The following SHPK variants were observed in gnomAD, a reference collection of about 807,000 sequenced individuals.
SHPK encodes the protein carbohydrate kinase-like protein.
Under a neutral mutation model 46.3 loss-of-function variants are expected in SHPK, and 51 were observed. The ratio of observed to expected loss-of-function variants is 1.10; its 90% CI spans 0.88 to 1.39. The LOEUF (loss-of-function observed/expected upper bound fraction) is 1.39. SHPK is among the 40% of genes most tolerant of loss of function. SHPK has a pLI of 0.00. For synonymous variants in SHPK, 290 were observed against 273.9 expected (o/e 1.06, Z -0.58); for missense variants, 668 against 641.3 (o/e 1.04, Z -0.45).
intron 1 of SHPK, among the ~76,000 whole-genome samples, chr17:3,631,894 T>G (rs754005032): frequency 2.6e-5 from 4 of 151,938 alleles, no homozygotes; most frequent in Admixed American, 6.6e-5. Flanking sequence ...TAAAATTAAT[T>G]TCACTTGTTT....
chr17:3,618,513 G>A (rs2075380831), intron 5 of SHPK, among the ~76,000 whole-genome samples: 1 of 152,148 alleles, frequency 6.6e-6, no homozygotes, highest in African/African-American at 2.4e-5. Context: ...TGGGCACAGT[G>A]GCTCACGCCT....
At chr17:3,621,524 T>C in intron 4 of SHPK, 112 bp from the exon 5 acceptor site, 1 of 948,120 alleles carries the variant, frequency 1.1e-6, no homozygotes, top group Non-Finnish European at 1.6e-6. Context: ...CCCTTCTTCC[T>C]TTCCTTTCCT....
rs2075322894 is a variant in SHPK at position 3,609,435 on chromosome 17, G to A, written c.*1125C>T. ...CCTGGGCTCCTTTGGGAGTCTAGAA[G>A]TAGATGCGGCAATGGTGGCCCCCTC... On this transcript the variant is annotated 3_prime_UTR_variant, in exon 7 of 7. Transcript: ENST00000225519. 1 of 152,138 alleles carries A rather than the reference G, an allele frequency of 6.6e-6. No individual in the cohort carries two copies. Among genetic ancestry groups the A allele is most frequent in the Non-Finnish European group, 1.5e-5 (1 of 68,044 alleles). 9.4% of individuals were successfully genotyped at this position (152,138 alleles called of 1,614,324 possible).
rs559555308 is a variant in SHPK at position 3,609,654 on chromosome 17, C to G, written c.*906G>C. 1 of 152,364 alleles carries G rather than the reference C, an allele frequency of 6.6e-6. No homozygotes were observed. The highest frequency in any genetic ancestry group is 2.4e-5 in the African/African-American group (1 of 41,476). The allele number at this position is 152,364 out of a possible 1,614,324, so 9.4% of individuals were successfully genotyped here. The stretch of plus-strand genomic sequence containing the variant: ...GAGTTCTCTTTGAATAAACTACCTG[C>G]CCCATCTGGCAGGAGTCTGCCTGGC... On this transcript the variant is annotated 3_prime_UTR_variant, in exon 7 of 7. Transcript: ENST00000225519.
chr17:3,630,684 G>T (rs902826273), intron 1 of SHPK, among the ~76,000 whole-genome samples: 1 of 152,188 alleles, frequency 6.6e-6, no homozygotes, highest in Non-Finnish European at 1.5e-5. Flanking sequence ...ACAACATGAT[G>T]AAACCCCGTC....
At chr17:3,631,229 T>C (rs2075469435) in intron 1 of SHPK, among the ~76,000 whole-genome samples, 2 of 150,174 alleles carry the variant, frequency 1.3e-5, no homozygotes, top group African/African-American at 4.9e-5. Context: ...ACAAGGATTC[T>C]ACATGCAAGA....
At chr17:3,613,247 A>T (rs1597566817) in intron 6 of SHPK, among the ~76,000 whole-genome samples, 1 of 152,332 alleles carries the variant, frequency 6.6e-6, no homozygotes, top group East Asian at 1.9e-4. Flanking sequence ...ACTCATGCTC[A>T]AGGCCCACAC....
At chr17:3,625,076 G>C (rs2075425396) in intron 2 of SHPK, among the ~76,000 whole-genome samples, 1 of 152,062 alleles carries the variant, frequency 6.6e-6, no homozygotes, top group African/African-American at 2.4e-5. Context: ...TTTCTCCCAA[G>C]GCCAATTTCA....
At chr17:3,611,798 G>GTTTTT (rs570066157) in intron 6 of SHPK, among the ~76,000 whole-genome samples, 1 of 92,122 alleles carries the variant, frequency 1.1e-5, no homozygotes, top group African/African-American at 4.6e-5. Flanking sequence ...AGCTCTGCGG[G>GTTTTT]TTTTTTTTTT....
At position 3,636,170 on chromosome 17, in the gene SHPK, A is replaced by C; in HGVS notation, c.50T>G (p.Val17Gly). ...TLGIDLGTTS[V>G]KAALLRAAPD... ...CGCGGCCCTCAGCAGAGCTGCCTTC[A>C]CAGATGTGGTGCCCAGGTCAATGCC... is the stretch of plus-strand genomic sequence containing the variant. The change falls in exon 1 of 7, where the codon GTG (valine) becomes GGG (glycine). Residue 17 changes from valine (V) to glycine (G), a missense_variant. Val to Gly is a moderately radical substitution (Grantham distance 109, BLOSUM62 -3). Transcript: ENST00000225519. 2 of 1,612,104 alleles carry C rather than the reference A, an allele frequency of 1.2e-6. No homozygotes were observed. Among genetic ancestry groups the C allele is most frequent in the South Asian group, 2.2e-5 (2 of 90,902 alleles).
chr17:3,632,780 T>C (rs1022368702), intron 1 of SHPK, among the ~76,000 whole-genome samples: 2 of 151,988 alleles, frequency 1.3e-5, no homozygotes, highest in African/African-American at 4.8e-5. Context: ...CGGAGGAAAC[T>C]GATGCCCAGA....
intron 1 of SHPK, 47 bp downstream of exon 1, chr17:3,636,005 G>A: frequency 2.0e-6 from 3 of 1,491,496 alleles, no homozygotes; most frequent in Non-Finnish European, 2.7e-6. Context: ...GGAAAAGGGT[G>A]GTCAGGAGGC....
chr17:3,613,040 A>G (rs1207026212), intron 6 of SHPK, among the ~76,000 whole-genome samples: 2 of 151,882 alleles, frequency 1.3e-5, no homozygotes, highest in Non-Finnish European at 1.5e-5. Context: ...GTGAGCCACC[A>G]CGCCCAGCCA....
rs933510142 is a variant in SHPK, at chr17:3,633,996, G to A, written c.168+2056C>T. The stretch of plus-strand genomic sequence containing the variant: ...CAACCCTGTGCTCTCTCAAACATGT[G>A]CTGTGTCCACTCAGGGTTAAATGGA... On this transcript the variant is annotated intron_variant, in intron 1 of 6. Transcript: ENST00000225519. Among the ~76,000 whole-genome samples, 9 of 149,260 alleles carry A rather than the reference G, an allele frequency of 6.0e-5. 1 individual carries two copies. In the South Asian group the frequency reaches 2.0e-3, roughly 33 times the overall value.
chr17:3,619,171 A>G, intron 5 of SHPK: 1 of 412,002 alleles, frequency 2.4e-6, no homozygotes. Flanking sequence ...CTTAAGAACA[A>G]CTCAATTTGT....
Position 3,621,420 on chromosome 17 carries a change from A to G in SHPK, c.648-8T>C. On this transcript the variant is annotated splice_polypyrimidine_tract_variant and splice_region_variant and intron_variant, in intron 4 of 6. Coordinates refer to ENST00000225519, the MANE Select transcript of SHPK (RefSeq NM_013276.4). ...AAACCCGAGCTCCTCAGTCTGTAAA[A>G]CAGAAGTGGACACCCACATGGACCC... 1 of 1,612,500 alleles carries G rather than the reference A, an allele frequency of 6.2e-7. No homozygotes were observed. Among genetic ancestry groups the G allele is most frequent in the Non-Finnish European group, 8.5e-7 (1 of 1,179,182 alleles).
At chr17:3,619,953 GA>G (rs1002532701) in intron 5 of SHPK, 7 of 184,286 alleles carry the variant, frequency 3.8e-5, no homozygotes, top group East Asian at 1.8e-4. Context: ...TTAAATGGTT[GA>G]AAAAAAATTA....
At position 3,608,828 on chromosome 17, in the gene SHPK, A is replaced by G. The variant is rs2075317639; in HGVS notation, c.*1732T>C. 1 of 152,196 alleles carries G rather than the reference A, an allele frequency of 6.6e-6. No individual in the cohort carries two copies. The highest frequency in any genetic ancestry group is 2.4e-5 in the African/African-American group (1 of 41,450). The allele number at this position is 152,196 out of a possible 1,614,324, so 9.4% of individuals were successfully genotyped here. The stretch of plus-strand genomic sequence containing the variant: ...CCAAACCAAGCTCTGCGGCTGTGCC[A>G]TTGCACAGTCTTCCCACAGCAGAGA... On this transcript the variant is annotated 3_prime_UTR_variant, in exon 7 of 7. Transcript: ENST00000225519.
intron 6 of SHPK, among the ~76,000 whole-genome samples, chr17:3,611,394 C>A (rs1364871491): frequency 6.6e-6 from 1 of 152,108 alleles, no homozygotes; most frequent in African/African-American, 2.4e-5. Context: ...CGTGGTGAAA[C>A]CCTGTCTCTA....
Sources: allele counts gnomAD v4.1 joint callset (sites outside exome capture counted in the v4.1 genomes callset), GRCh38; gene constraint gnomAD v4.1.1; transcripts MANE v1.5; gene names NCBI Gene and HGNC (gene_info 2026-07-23, HGNC 2026-07-21).